The following COQ5 variants were observed in gnomAD, a reference collection of about 807,000 sequenced individuals.
COQ5 encodes the protein 2-methoxy-6-polyprenyl-1,4-benzoquinol methylase, mitochondrial.
Under a neutral mutation model 40.5 loss-of-function variants are expected in COQ5, and 27 were observed. The observed-to-expected ratio is 0.67, with a 90% confidence interval of 0.49 to 0.92. The LOEUF is 0.92. Among genes scored for constraint, COQ5 ranks in the 40% least tolerant of loss-of-function variants. The pLI is 0.00. For synonymous variants in COQ5, 141 were observed against 150.0 expected (o/e 0.94, Z 0.44); for missense variants, 409 against 406.4 (o/e 1.01, Z -0.06).
Position 120,516,642 on chromosome 12 carries a change from C to T in COQ5, c.499G>A (p.Val167Ile), listed in dbSNP as rs1869383454. The change falls in exon 3 of 7, where the codon GTC becomes ATC. Residue 167 changes from valine (V) to isoleucine (I), a missense_variant. Transcript: ENST00000288532. Reference sequence around the variant, plus strand: ...TCCTTGTTGATGTCACACACCACGACACGAGACCCGCCCAAGGAATCTTCT... The same window carrying T: ...TCCTTGTTGATGTCACACACCACGATACGAGACCCGCCCAAGGAATCTTCT... ...NEEDSLGGSRVVVCDINKEML... is the reference protein window; with the variant it reads ...NEEDSLGGSRIVVCDINKEML... 6.2e-7 allele frequency: 1 copy of T among 1,614,088 alleles called. No homozygotes were observed. Among genetic ancestry groups the T allele is most frequent in the African/African-American group, 1.3e-5 (1 of 74,924 alleles).
intron 3 of COQ5, among the ~76,000 whole-genome samples, chr12:120,511,389 A>G (rs948229441): frequency 6.6e-6 from 1 of 152,138 alleles, no homozygotes; most frequent in Admixed American, 6.6e-5. Flanking sequence ...TATTTTATGT[A>G]CATCTTTAGA....
At chr12:120,523,253 C>A (rs900964995) in intron 1 of COQ5, 2 of 194,854 alleles carry the variant, frequency 1.0e-5, no homozygotes, top group Non-Finnish European at 2.1e-5. Flanking sequence ...AGGAGAATGG[C>A]GTGAACCTGG....
At chr12:120,518,378 G>A (rs375214000) in intron 2 of COQ5, among the ~76,000 whole-genome samples, 2 of 144,690 alleles carry the variant, frequency 1.4e-5, no homozygotes, top group Admixed American at 7.2e-5. Context: ...GCAGTAAGCC[G>A]AGATGACGCC....
intron 2 of COQ5, among the ~76,000 whole-genome samples, chr12:120,521,127 A>G (rs1033764974): frequency 7.2e-6 from 1 of 138,558 alleles, no homozygotes; most frequent in Non-Finnish European, 1.5e-5. Flanking sequence ...GTGTAATGGT[A>G]CGATCTCAGC....
intron 2 of COQ5, among the ~76,000 whole-genome samples, chr12:120,521,064 GTT>G (rs35534303): frequency 4.9e-5 from 6 of 123,694 alleles, no homozygotes; most frequent in African/African-American, 9.8e-5. Context: ...GTAATCCTGC[GTT>G]TTTTTTTTTT....
At chr12:120,522,572 A>G in intron 1 of COQ5, 1 of 646,606 alleles carries the variant, frequency 1.5e-6, no homozygotes, top group East Asian at 2.6e-5. Context: ...ATTTGTACAA[A>G]TAGCACAGGA....
intron 1 of COQ5, among the ~76,000 whole-genome samples, chr12:120,524,153 G>C (rs972609635): frequency 6.6e-6 from 1 of 152,114 alleles, no homozygotes; most frequent in Non-Finnish European, 1.5e-5. Context: ...AATTTAGAGG[G>C]CTCTCATGAG....
Position 120,529,125 on chromosome 12 carries a change from C to T in COQ5, c.17G>A (p.Ser6Asn), listed in dbSNP as rs747756052. The T allele has an allele frequency of 2.5e-6, 4 of 1,613,730 alleles. No homozygotes were observed. The highest frequency in any genetic ancestry group is 2.5e-6 in the Non-Finnish European group (3 of 1,179,822). Residue 6 changes from serine (S) to asparagine (N), a missense_variant, in exon 1 of 7, where the codon AGC (serine) becomes AAC (asparagine). Coordinates refer to ENST00000288532, the MANE Select transcript of COQ5 (RefSeq NM_032314.4). ...GCCGCAATAGCTCCATAGAGCACAG[C>T]TCCCGGGGGCCGCCATCTTGGTAGT... is the stretch of plus-strand genomic sequence containing the variant. Reference protein sequence around the residue: MAAPGSCALWSYCGRG... With the variant: MAAPGNCALWSYCGRG...
intron 3 of COQ5, among the ~76,000 whole-genome samples, chr12:120,513,194 C>T (rs1316864996): frequency 6.7e-6 from 1 of 148,870 alleles, no homozygotes; most frequent in Admixed American, 6.8e-5. Flanking sequence ...CATAACCATG[C>T]TATACATTAA....
chr12:120,511,804 A>G (rs530589904), intron 3 of COQ5, among the ~76,000 whole-genome samples: 13 of 152,316 alleles, frequency 8.5e-5, no homozygotes, highest in African/African-American at 2.6e-4. Flanking sequence ...AAAAATTACA[A>G]ATAAGAATGT....
intron 4 of COQ5, chr12:120,509,765 A>T: frequency 2.3e-6 from 1 of 432,324 alleles, no homozygotes; most frequent in Non-Finnish European, 4.3e-6. Flanking sequence ...TAAAAAAAAA[A>T]TCTATCTATC....
intron 1 of COQ5, chr12:120,526,377 G>C: frequency 2.4e-6 from 1 of 417,668 alleles, no homozygotes; most frequent in South Asian, 1.7e-5. Flanking sequence ...AGAAATAGAT[G>C]ACTGTGGGAA....
At chr12:120,528,854 T>C (rs1365052629) in intron 1 of COQ5, 86 bp downstream of exon 1, 3 of 1,220,812 alleles carry the variant, frequency 2.5e-6, no homozygotes, top group South Asian at 1.2e-5. Context: ...TGGAACTAAT[T>C]GGATGTTAAA....
At chr12:120,521,926 G>C (rs1157264257) in intron 2 of COQ5, among the ~76,000 whole-genome samples, 1 of 152,076 alleles carries the variant, frequency 6.6e-6, no homozygotes, top group African/African-American at 2.4e-5. Context: ...GAACCTGGGA[G>C]GCAGAGGTTG....
rs1869978810 is a variant in COQ5 at position 120,526,905 on chromosome 12, CGG to C, written c.202+2033_202+2034del. 7.5e-5 allele frequency: 12 copies of C among 159,654 alleles called. No homozygotes were observed. The South Asian group carries it at 1.9e-3, about 26-fold the overall frequency. The allele number at this position is 159,654 out of a possible 1,614,324, so 9.9% of individuals were successfully genotyped here. A position where few individuals can be genotyped will look rare whatever the true frequency, so the allele number is the denominator to read the frequency against. ...AATTTTTTTGTATTTTTAGTAGAGACGGAGTTTCACCGTGTTAGCCAGGATGG... is the reference window on the plus strand; with the variant it reads ...AATTTTTTTGTATTTTTAGTAGAGACAGTTTCACCGTGTTAGCCAGGATGG... On this transcript the variant is annotated intron_variant, in intron 1 of 6. Transcript: ENST00000288532.
chr12:120,506,153 C>A (rs1868873811), intron 4 of COQ5, among the ~76,000 whole-genome samples: 1 of 152,100 alleles, frequency 6.6e-6, no homozygotes, highest in African/African-American at 2.4e-5. Context: ...CCATGCCTGG[C>A]CGGTTATTCA....
chr12:120,527,818 T>C (rs981334809), intron 1 of COQ5, among the ~76,000 whole-genome samples: 32 of 145,412 alleles, frequency 2.2e-4, no homozygotes, highest in South Asian at 6.5e-4. Flanking sequence ...CTGTCTGTAC[T>C]AAAAAAAAAA....
At chr12:120,508,955 A>G (rs113478545) in intron 4 of COQ5, among the ~76,000 whole-genome samples, 4,687 of 151,644 alleles carry the variant, frequency 0.031, 238 homozygotes, top group African/African-American at 0.11. Flanking sequence ...AACCCAGGAG[A>G]CAGAGGTTGT....
intron 1 of COQ5, 175 bp from the exon 2 acceptor site, chr12:120,522,538 A>AC: frequency 1.6e-6 from 1 of 634,714 alleles, no homozygotes; most frequent in East Asian, 2.8e-5. Flanking sequence ...TTATTGATTT[A>AC]TTTTTTTTTC....
Sources: gnomAD v4.1 joint callset for allele counts (sites outside exome capture counted in the v4.1 genomes callset) on GRCh38, gnomAD v4.1.1 for gene constraint, MANE v1.5 for transcripts, NCBI Gene and HGNC (gene_info 2026-07-23, HGNC 2026-07-21) for gene names.